The following CCT5 variants were observed in gnomAD, a reference collection of about 807,000 sequenced individuals.
The protein encoded by CCT5 is chaperonin containing TCP1 subunit 5, also known as T-complex protein 1 subunit epsilon.
Under a neutral mutation model 55.0 loss-of-function variants are expected in CCT5, and 6 were observed. The observed-to-expected ratio is 0.11, with a 90% CI of 0.06 to 0.22. CCT5 has a LOEUF of 0.22. CCT5 is among the 10% of genes least tolerant of loss of function. The pLI is 1.00. For missense variants in CCT5, 560 were observed against 694.6 expected (o/e 0.81, Z 2.18); for synonymous variants, 231 against 243.7 (o/e 0.95, Z 0.49).
At chr5:10,249,974 GAAGAAATA>G, upstream of CCT5, 1 of 1,494,874 alleles carries the variant, frequency 6.7e-7, no homozygotes, top group Non-Finnish European at 9.0e-7. Flanking sequence ...GCCGGAGTGC[GAAGAAATA>G]AAGAAATAGT....
chr5:10,251,556 T>A (rs545859080), intron 1 of CCT5, among the ~76,000 whole-genome samples: 1 of 152,302 alleles, frequency 6.6e-6, no homozygotes, highest in Non-Finnish European at 1.5e-5. Context: ...TTACGCAAAG[T>A]TAGAAACAAT....
chr5:10,250,044 T>C, upstream of CCT5: 3 of 1,540,212 alleles, frequency 1.9e-6, no homozygotes, highest in Non-Finnish European at 2.6e-6. Flanking sequence ...AAACTATCAG[T>C]GGTAACGTTT....
At position 10,258,310 on chromosome 5, in the gene CCT5, C is replaced by T. The variant is rs767023577; in HGVS notation, c.723+7C>T. 2.5e-6 allele frequency: 4 copies of T among 1,613,974 alleles called. No individual in the cohort carries two copies. The highest frequency in any genetic ancestry group is 1.7e-6 in the Non-Finnish European group (2 of 1,179,938). On this transcript the variant is annotated splice_region_variant and intron_variant, in intron 5 of 10. Coordinates refer to ENST00000280326, the MANE Select transcript of CCT5 (RefSeq NM_012073.5). Reference sequence around the variant, plus strand: ...TCACCCACAGATGCCAAAAGTGAGCCATTGCATCTCACAGCTTCGCACTGT... The same window carrying T: ...TCACCCACAGATGCCAAAAGTGAGCTATTGCATCTCACAGCTTCGCACTGT...
chr5:10,254,549 G>A (rs953363609), intron 2 of CCT5, 125 bp from the exon 3 acceptor site: 4 of 837,022 alleles, frequency 4.8e-6, no homozygotes, highest in African/African-American at 1.7e-5. Context: ...ACTATTTTGT[G>A]TATGTTGCAT....
At chr5:10,258,790 C>G (rs542380373) in intron 6 of CCT5, among the ~76,000 whole-genome samples, 1 of 152,250 alleles carries the variant, frequency 6.6e-6, no homozygotes, top group South Asian at 2.1e-4. Flanking sequence ...GTGAGATCAT[C>G]GAGACCATCT....
intron 3 of CCT5, 99 bp downstream of exon 3, chr5:10,254,937 G>A: frequency 3.0e-6 from 3 of 995,322 alleles, no homozygotes; most frequent in Non-Finnish European, 4.8e-6. Flanking sequence ...ATCAGAGCAT[G>A]AGGAGACAGA....
chr5:10,261,086 G>A (rs1745936458), intron 7 of CCT5, 175 bp downstream of exon 7: 1 of 744,210 alleles, frequency 1.3e-6, no homozygotes, highest in East Asian at 2.6e-5. Flanking sequence ...GGATAACAGT[G>A]CTGTGTGTTT....
At chr5:10,250,764 C>T in intron 1 of CCT5, 4 of 1,214,176 alleles carry the variant, frequency 3.3e-6, no homozygotes, top group African/African-American at 1.6e-5. Flanking sequence ...GCCTGACGGC[C>T]GCGTGGGACT....
intron 7 of CCT5, 28 bp from the exon 8 acceptor site, chr5:10,261,532 C>T: frequency 6.2e-7 from 1 of 1,611,406 alleles, no homozygotes; most frequent in Non-Finnish European, 8.5e-7. Context: ...GTACTGTCTT[C>T]ATCCTTCTCC....
chr5:10,258,603 G>C, intron 6 of CCT5, 68 bp downstream of exon 6: 2 of 1,361,456 alleles, frequency 1.5e-6, no homozygotes, highest in South Asian at 1.2e-5. Flanking sequence ...GGTTTGGTTA[G>C]TAAATATGTG....
Position 10,263,333 on chromosome 5 carries a change from T to G in CCT5, c.1498+19T>G. 1 of 1,426,908 alleles carries G rather than the reference T, an allele frequency of 7.0e-7. No homozygotes were observed. The highest frequency in any genetic ancestry group is 3.2e-5 in the African/African-American group (1 of 31,570). The allele number at this position is 1,426,908 out of a possible 1,614,324, so 88.4% of individuals were successfully genotyped here. A position where few individuals can be genotyped will look rare whatever the true frequency, so the allele number is the denominator to read the frequency against. ...ACAAATGGTGAGGAGCTGTCACGCC[T>G]CTGCGTGGAGGGGGGGGGATGTCTG... On this transcript the variant is annotated intron_variant, in intron 10 of 10. Coordinates refer to ENST00000280326, the MANE Select transcript of CCT5 (RefSeq NM_012073.5).
intron 7 of CCT5, 127 bp downstream of exon 7, chr5:10,261,038 T>C (rs1286879174): frequency 3.1e-6 from 3 of 957,798 alleles, no homozygotes; most frequent in Non-Finnish European, 5.1e-6. Flanking sequence ...GAGGGTGAGC[T>C]GGGAGAGAGG....
rs1429774023 is a variant in CCT5, at chr5:10,258,363, A to G, written c.724-23A>G. Reference sequence around the variant, plus strand: ...GTTAACTCTTAATTCCACCAATTAAAATGTCTTTATGTTCCCCCATAGAAA... The same window carrying G: ...GTTAACTCTTAATTCCACCAATTAAGATGTCTTTATGTTCCCCCATAGAAA... On this transcript the variant is annotated intron_variant, in intron 5 of 10. Coordinates refer to ENST00000280326, the MANE Select transcript of CCT5 (RefSeq NM_012073.5). 6 of 1,614,098 alleles carry G rather than the reference A, an allele frequency of 3.7e-6. No homozygotes were observed. In the South Asian group the frequency reaches 5.5e-5, roughly 15 times the overall value.
chr5:10,265,960 A>C lies in CCT5; in HGVS notation c.*1177A>C, dbSNP rs1313006721. On this transcript the variant is annotated 3_prime_UTR_variant, in exon 11 of 11. Coordinates refer to ENST00000280326, the MANE Select transcript of CCT5 (RefSeq NM_012073.5). ...AGTGATGAATTTGGGTTACCGTCTCATGTGAACCTGGAGATTCACCAGTCT... is the reference window on the plus strand; with the variant it reads ...AGTGATGAATTTGGGTTACCGTCTCCTGTGAACCTGGAGATTCACCAGTCT... The C allele has an allele frequency of 6.6e-6, 1 of 152,138 alleles. No homozygotes were observed. Among genetic ancestry groups the C allele is most frequent in the Non-Finnish European group, 1.5e-5 (1 of 68,026 alleles). The allele number at this position is 152,138 out of a possible 1,614,324, so 9.4% of individuals were successfully genotyped here.
At position 10,261,565 on chromosome 5, in the gene CCT5, T is replaced by G; in HGVS notation, c.999T>G (p.Ile333Met). The change falls in exon 8 of 11, where the codon ATT (isoleucine) becomes ATG (methionine). Residue 333 changes from isoleucine (I) to methionine (M), a missense_variant. Ile to Met is a conservative substitution (Grantham distance 10). Transcript: ENST00000280326. Reference protein sequence around the residue: ...RWVGGPEIELIAIATGGRIVP... With the variant: ...RWVGGPEIELMAIATGGRIVP... ...TCCCTGACCACCCCAATTAGCTGAT[T>G]GCCATCGCAACAGGAGGGCGGATCG... 3 of 1,614,112 alleles carry G rather than the reference T, an allele frequency of 1.9e-6. No homozygotes were observed. Among genetic ancestry groups the G allele is most frequent in the Non-Finnish European group, 2.5e-6 (3 of 1,179,976 alleles).
At chr5:10,254,406 T>TG in intron 2 of CCT5, 1 of 608,390 alleles carries the variant, frequency 1.6e-6, no homozygotes, top group East Asian at 2.8e-5. Context: ...TTTTTTTTTT[T>TG]TTTAGCATGT....
chr5:10,261,553 C>T lies in CCT5; in HGVS notation c.994-7C>T. The T allele has an allele frequency of 5.6e-6, 9 of 1,613,726 alleles. No individual in the cohort carries two copies. The highest frequency in any genetic ancestry group is 7.6e-6 in the Non-Finnish European group (9 of 1,179,832). On this transcript the variant is annotated splice_region_variant and splice_polypyrimidine_tract_variant and intron_variant, in intron 7 of 10. Transcript: ENST00000280326. ...TCTTCATCCTTCTCCCTGACCACCC[C>T]AATTAGCTGATTGCCATCGCAACAG... is the stretch of plus-strand genomic sequence containing the variant.
At chr5:10,252,323 C>T (rs1343839468) in intron 1 of CCT5, among the ~76,000 whole-genome samples, 1 of 152,148 alleles carries the variant, frequency 6.6e-6, no homozygotes, top group Non-Finnish European at 1.5e-5. Flanking sequence ...AATGTATAGG[C>T]CAGGACGTGA....
At chr5:10,256,653 C>T (rs1745695913) in intron 4 of CCT5, among the ~76,000 whole-genome samples, 1 of 150,178 alleles carries the variant, frequency 6.7e-6, no homozygotes, top group Non-Finnish European at 1.5e-5. Context: ...TGCCACTGCA[C>T]TCCAGCTTGA....
Sources: allele counts gnomAD v4.1 joint callset (sites outside exome capture counted in the v4.1 genomes callset), GRCh38; gene constraint gnomAD v4.1.1; transcripts MANE v1.5; gene names NCBI Gene and HGNC (gene_info 2026-07-23, HGNC 2026-07-21).